ITGA8: variants seen among roughly 807,000 people sequenced by gnomAD.
ITGA8 encodes the protein integrin alpha-8.
A neutral mutation model predicts 142.3 loss-of-function variants in ITGA8; 91 were observed. The observed-to-expected ratio is 0.64, with a 90% CI of 0.54 to 0.76. The LOEUF is 0.76. ITGA8 is among the 30% of genes least tolerant of loss of function. The probability of loss-of-function intolerance (pLI) is 0.00; values close to 1 mark genes in which losing one functional copy is unlikely to be tolerated. For missense variants in ITGA8, 1,406 were observed against 1,327.7 expected (o/e 1.06, Z -0.92); for synonymous variants, 505 against 485.2 (o/e 1.04, Z -0.54).
rs1358900160 is a variant in ITGA8, at chr10:15,515,129, TC to T, written c.*2028del. ...ACCAGATTCAGGGCATTACCTGGGG[TC>T]AGAGAGAGCTGTCTGGCATCGCTCA... On this transcript the variant is annotated 3_prime_UTR_variant, in exon 30 of 30. Transcript: ENST00000378076. 1 of 152,148 alleles carries T rather than the reference TC, an allele frequency of 6.6e-6. No individual in the cohort carries two copies. Among genetic ancestry groups the T allele is most frequent in the Non-Finnish European group, 1.5e-5 (1 of 68,066 alleles). The allele number at this position is 152,148 out of a possible 1,614,324, so 9.4% of individuals were successfully genotyped here.
chr10:15,600,764 G>C (rs1384114098), intron 20 of ITGA8, among the ~76,000 whole-genome samples: 1 of 152,166 alleles, frequency 6.6e-6, no homozygotes, highest in Non-Finnish European at 1.5e-5. Flanking sequence ...AATAATCTGG[G>C]CAAAAGATCA....
chr10:15,660,286 A>C (rs548753956), intron 9 of ITGA8, among the ~76,000 whole-genome samples: 9 of 151,988 alleles, frequency 5.9e-5, no homozygotes, highest in African/African-American at 9.7e-5. Flanking sequence ...CATGTCCTGA[A>C]ATTTTTAATA....
chr10:15,624,184 T>C (rs1371272334), intron 13 of ITGA8, among the ~76,000 whole-genome samples: 1 of 152,218 alleles, frequency 6.6e-6, no homozygotes, highest in Non-Finnish European at 1.5e-5. Flanking sequence ...GCCCGTTGTC[T>C]CTCTTTGAAT....
chr10:15,605,640 G>A (rs1833180648), intron 19 of ITGA8, 84 bp downstream of exon 19: 4 of 1,090,612 alleles, frequency 3.7e-6, no homozygotes, highest in Non-Finnish European at 5.6e-6. Context: ...GTTATTGGAA[G>A]TGTATACTTT....
chr10:15,681,846 C>T (rs1307711368), intron 4 of ITGA8, among the ~76,000 whole-genome samples: 1 of 152,142 alleles, frequency 6.6e-6, no homozygotes, highest in Non-Finnish European at 1.5e-5. Context: ...AGGATATGGA[C>T]AGGTGTAAAT....
At chr10:15,648,934 T>C (rs1251855975) in intron 11 of ITGA8, among the ~76,000 whole-genome samples, 2 of 152,206 alleles carry the variant, frequency 1.3e-5, no homozygotes, top group East Asian at 3.8e-4. Flanking sequence ...ACTATAAACA[T>C]GGCAGATGGG....
intron 6 of ITGA8, among the ~76,000 whole-genome samples, chr10:15,675,940 G>A (rs554309044): frequency 3.3e-5 from 5 of 152,130 alleles, no homozygotes; most frequent in Admixed American, 6.5e-5. Flanking sequence ...TGTATCCTAC[G>A]TTTTTTCAAC....
intron 29 of ITGA8, 43 bp downstream of exon 29, chr10:15,519,247 C>CA (rs1833013088): frequency 1.9e-6 from 3 of 1,607,134 alleles, no homozygotes; most frequent in Non-Finnish European, 2.5e-6. Flanking sequence ...ATTCCCTCAA[C>CA]AGCCCCTCTA....
intron 27 of ITGA8, among the ~76,000 whole-genome samples, chr10:15,532,806 T>C (rs1282901305): frequency 6.6e-6 from 1 of 152,112 alleles, no homozygotes; most frequent in East Asian, 1.9e-4. Flanking sequence ...ATTATATAAA[T>C]GTAAACTTAA....
At chr10:15,648,265 A>G (rs75536920) in intron 11 of ITGA8, among the ~76,000 whole-genome samples, 3,303 of 152,238 alleles carry the variant, frequency 0.022, 89 homozygotes, top group African/African-American at 0.074. Flanking sequence ...GGCAAATGCA[A>G]TAATCTCAAG....
intron 23 of ITGA8, among the ~76,000 whole-genome samples, chr10:15,575,936 A>T (rs1834284129): frequency 1.5e-5 from 2 of 137,812 alleles, no homozygotes; most frequent in Non-Finnish European, 3.1e-5. Flanking sequence ...TTCACATGTG[A>T]GAACGTGTGT....
At chr10:15,571,058 GA>G (rs888919825) in intron 25 of ITGA8, among the ~76,000 whole-genome samples, 3 of 151,592 alleles carry the variant, frequency 2.0e-5, no homozygotes, top group Non-Finnish European at 2.9e-5. Context: ...GAGGAAATGA[GA>G]AAAAAAAATT....
chr10:15,654,329 C>T (rs559076881), intron 11 of ITGA8, among the ~76,000 whole-genome samples: 1 of 152,320 alleles, frequency 6.6e-6, no homozygotes, highest in African/African-American at 2.4e-5. Flanking sequence ...TCTGTAGCAG[C>T]AACCTTCCTA....
chr10:15,595,614 GT>G, intron 21 of ITGA8, among the ~76,000 whole-genome samples: 1 of 152,318 alleles, frequency 6.6e-6, no homozygotes, highest in African/African-American at 2.4e-5. Flanking sequence ...CTGGTGGCCA[GT>G]TTTGTTCCAA....
chr10:15,687,484 G>A (rs1427612461), intron 3 of ITGA8, among the ~76,000 whole-genome samples: 9 of 152,126 alleles, frequency 5.9e-5, no homozygotes. Context: ...AATGAACTCA[G>A]AGAATCATGC....
chr10:15,649,610 C>A, intron 11 of ITGA8, among the ~76,000 whole-genome samples: 1 of 130,042 alleles, frequency 7.7e-6, no homozygotes. Context: ...AGTGAGACTC[C>A]GTCTCAAAAA....
intron 2 of ITGA8, among the ~76,000 whole-genome samples, chr10:15,696,091 C>T (rs1043765358): frequency 4.6e-5 from 7 of 152,168 alleles, no homozygotes; most frequent in African/African-American, 1.7e-4. Context: ...TGGGACAACG[C>T]ATTTAGGGTA....
intron 10 of ITGA8, among the ~76,000 whole-genome samples, chr10:15,657,075 G>A (rs1055137456): frequency 6.6e-6 from 1 of 152,160 alleles, no homozygotes; most frequent in African/African-American, 2.4e-5. Context: ...TCTTGATGTG[G>A]TGGTGTGTGG....
chr10:15,691,925 T>G (rs1166876834), intron 2 of ITGA8, among the ~76,000 whole-genome samples: 1 of 152,204 alleles, frequency 6.6e-6, no homozygotes, highest in Non-Finnish European at 1.5e-5. Flanking sequence ...AACATTACAT[T>G]GTACACGATA....
Sources: gnomAD v4.1 joint callset for allele counts (sites outside exome capture counted in the v4.1 genomes callset) on GRCh38, gnomAD v4.1.1 for gene constraint, MANE v1.5 for transcripts, NCBI Gene and HGNC (gene_info 2026-07-23, HGNC 2026-07-21) for gene names.